CALN1: variants seen among roughly 807,000 people sequenced by gnomAD.
CALN1 encodes calcium-binding protein 8.
CALN1 carries 17 observed loss-of-function variants against 30.6 expected under a neutral mutation model. The ratio of observed to expected loss-of-function variants is 0.56; its 90% CI spans 0.38 to 0.83. CALN1 has a LOEUF of 0.83. Among genes scored for constraint, CALN1 ranks in the 40% least tolerant of loss-of-function variants. The pLI, the probability that CALN1 is intolerant of heterozygous loss-of-function variation, is 0.00. For synonymous variants in CALN1, 156 were observed against 131.4 expected (o/e 1.19, Z -1.28); for missense variants, 291 against 354.9 (o/e 0.82, Z 1.45).
intron 4 of CALN1, among the ~76,000 whole-genome samples, chr7:72,059,755 G>A (rs1247513543): frequency 1.3e-5 from 2 of 152,020 alleles, no homozygotes; most frequent in Non-Finnish European, 2.9e-5. Flanking sequence ...CTTAGTTATA[G>A]TGACCTCATT....
At chr7:72,334,356 A>C (rs1487899030) in intron 2 of CALN1, among the ~76,000 whole-genome samples, 2 of 152,338 alleles carry the variant, frequency 1.3e-5, no homozygotes, top group African/African-American at 4.8e-5. Context: ...AGCCACAGAT[A>C]TCCCACCCTG....
chr7:71,862,082 T>C (rs1338453072), intron 5 of CALN1, among the ~76,000 whole-genome samples: 4 of 152,212 alleles, frequency 2.6e-5, no homozygotes, highest in Non-Finnish European at 4.4e-5. Flanking sequence ...TCCTTGACCC[T>C]TTTGCGCTGG....
chr7:71,970,267 C>G (rs1797729869), intron 5 of CALN1, among the ~76,000 whole-genome samples: 1 of 152,080 alleles, frequency 6.6e-6, no homozygotes, highest in Admixed American at 6.6e-5. Context: ...TGAGAAGGAT[C>G]TCCTATAAAG....
intron 2 of CALN1, among the ~76,000 whole-genome samples, chr7:72,355,531 A>G (rs775673713): frequency 2.6e-5 from 4 of 152,206 alleles, no homozygotes; most frequent in Non-Finnish European, 4.4e-5. Flanking sequence ...CTCAAAAACA[A>G]AATGGAACAA....
intron 6 of CALN1, among the ~76,000 whole-genome samples, chr7:71,789,657 G>C (rs1370761344): frequency 6.6e-6 from 1 of 152,116 alleles, no homozygotes; most frequent in Non-Finnish European, 1.5e-5. Flanking sequence ...GCCCCACAGG[G>C]TTTACTTTGG....
At chr7:72,053,884 C>T (rs1032369220) in intron 4 of CALN1, among the ~76,000 whole-genome samples, 19 of 148,834 alleles carry the variant, frequency 1.3e-4, no homozygotes, top group African/African-American at 3.9e-4. Flanking sequence ...TGAGAACATA[C>T]GATGCTTAGT....
chr7:72,194,474 G>C (rs1028655474), intron 3 of CALN1, among the ~76,000 whole-genome samples: 2 of 152,118 alleles, frequency 1.3e-5, no homozygotes, highest in African/African-American at 2.4e-5. Flanking sequence ...AGGTTGCAGT[G>C]AGCCAGGATT....
At chr7:72,317,710 G>A (rs1317993540) in intron 2 of CALN1, among the ~76,000 whole-genome samples, 1 of 152,164 alleles carries the variant, frequency 6.6e-6, no homozygotes, top group Non-Finnish European at 1.5e-5. Flanking sequence ...GAAAGAAAGG[G>A]CTGAGGTTAG....
At chr7:72,083,238 G>C (rs576424519) in intron 4 of CALN1, among the ~76,000 whole-genome samples, 142 of 152,216 alleles carry the variant, frequency 9.3e-4, no homozygotes, top group Non-Finnish European at 1.2e-3. Flanking sequence ...ATATGCAAGA[G>C]AAAATTTCAC....
chr7:72,362,267 T>C (rs889052530), intron 2 of CALN1, among the ~76,000 whole-genome samples: 4 of 152,202 alleles, frequency 2.6e-5, no homozygotes, highest in Admixed American at 2.6e-4. Flanking sequence ...TTGATGACTT[T>C]TGATAAGTGA....
intron 2 of CALN1, among the ~76,000 whole-genome samples, chr7:72,326,024 T>G (rs1460873117): frequency 6.6e-6 from 1 of 152,098 alleles, no homozygotes; most frequent in Non-Finnish European, 1.5e-5. Context: ...GCCTCAAGCC[T>G]TCTGAGTGGC....
At position 71,779,948 on chromosome 7, in the gene CALN1, T is replaced by C. The variant is rs879766215; in HGVS notation, c.*7827A>G. On this transcript the variant is annotated 3_prime_UTR_variant, in exon 7 of 7. Coordinates refer to ENST00000395275, the MANE Select transcript of CALN1 (RefSeq NM_031468.4). ...TACACCCAACATATTGGGGGCAATA[T>C]ACAAAATACAGTCATTTACTACTGT... is the stretch of plus-strand genomic sequence containing the variant. The C allele has an allele frequency of 3.3e-5, 5 of 152,058 alleles. No individual in the cohort carries two copies. The highest frequency in any genetic ancestry group is 7.3e-5 in the Non-Finnish European group (5 of 68,038). 9.4% of individuals were successfully genotyped at this position (152,058 alleles called of 1,614,324 possible).
intron 5 of CALN1, among the ~76,000 whole-genome samples, chr7:71,924,792 C>T (rs563226043): frequency 2.0e-4 from 30 of 152,194 alleles, no homozygotes; most frequent in African/African-American, 7.2e-4. Context: ...ATCTTTTGTT[C>T]TATTGTTGTC....
chr7:72,338,871 T>C (rs1290439666), intron 2 of CALN1, among the ~76,000 whole-genome samples: 1 of 152,040 alleles, frequency 6.6e-6, no homozygotes, highest in Non-Finnish European at 1.5e-5. Flanking sequence ...TGTGTTGTGC[T>C]ATCAAATAAT....
At chr7:72,063,287 A>G (rs1303129949) in intron 4 of CALN1, among the ~76,000 whole-genome samples, 1 of 152,178 alleles carries the variant, frequency 6.6e-6, no homozygotes, top group African/African-American at 2.4e-5. Context: ...TAGGGCCATA[A>G]CTCTCAGATT....
chr7:72,369,752 GT>G (rs1804109456), intron 2 of CALN1, among the ~76,000 whole-genome samples: 1 of 152,030 alleles, frequency 6.6e-6, no homozygotes, highest in African/African-American at 2.4e-5. Context: ...TACTTTTGTT[GT>G]CTGGCTTCAT....
intron 3 of CALN1, among the ~76,000 whole-genome samples, chr7:72,206,797 G>T (rs963785119): frequency 6.6e-6 from 1 of 152,084 alleles, no homozygotes; most frequent in African/African-American, 2.4e-5. Context: ...TGAAGATATG[G>T]TTTTTCCTGC....
intron 2 of CALN1, among the ~76,000 whole-genome samples, chr7:72,351,248 A>G (rs1481051960): frequency 6.6e-6 from 1 of 152,194 alleles, no homozygotes; most frequent in Non-Finnish European, 1.5e-5. Context: ...CATGCCTGTA[A>G]TCCTAGCCCT....
chr7:71,996,664 T>C (rs1025346801), intron 5 of CALN1, among the ~76,000 whole-genome samples: 22 of 152,292 alleles, frequency 1.4e-4, no homozygotes, highest in African/African-American at 4.6e-4. Flanking sequence ...TCAGGATAAA[T>C]AGCTAATGCA....
Sources: allele counts gnomAD v4.1 joint callset (sites outside exome capture counted in the v4.1 genomes callset), GRCh38; gene constraint gnomAD v4.1.1; transcripts MANE v1.5; gene names NCBI Gene and HGNC (gene_info 2026-07-23, HGNC 2026-07-21).